The following SELE variants were observed in gnomAD, a reference collection of about 807,000 sequenced individuals.
The protein encoded by SELE is E-selectin.
SELE carries 52 observed loss-of-function variants against 75.8 expected under a neutral mutation model. That is an observed-to-expected ratio of 0.69 (90% CI 0.55 to 0.86). The LOEUF is 0.86. SELE is among the 40% of genes least tolerant of loss of function. The probability of loss-of-function intolerance (pLI) is 0.00; values close to 1 mark genes in which losing one functional copy is unlikely to be tolerated. For missense variants in SELE, 754 were observed against 732.7 expected, an observed-to-expected ratio of 1.03 and a Z score of -0.34; for synonymous variants, 285 against 258.7, an observed-to-expected ratio of 1.10 and a Z score of -0.98.
At position 169,732,807 on chromosome 1, in the gene SELE, C is replaced by T. The variant is rs1413729150; in HGVS notation, c.229G>A (p.Val77Ile). 4.3e-6 allele frequency: 7 copies of T among 1,614,142 alleles called. No individual in the cohort carries two copies. The highest frequency in any genetic ancestry group is 5.9e-6 in the Non-Finnish European group (7 of 1,180,020). ...CCTACCCAGACCCACACATTGTTGA[C>T]TTTTCTGATTCCAATCCAGTAATAA... ...PSYYWIGIRKVNNVWVWVGTQ... is the reference protein window; with the variant it reads ...PSYYWIGIRKINNVWVWVGTQ... Residue 77 changes from valine (V) to isoleucine (I), a missense_variant, in exon 3 of 14, where the codon GTC (valine) becomes ATC (isoleucine). By Grantham distance (29) the Val-to-Ile change is conservative. Transcript: ENST00000333360.
At chr1:169,726,918 T>G (rs1648788473) in intron 10 of SELE, 112 bp from the exon 11 acceptor site, 2 of 715,690 alleles carry the variant, frequency 2.8e-6, no homozygotes, top group Admixed American at 5.3e-5. Flanking sequence ...GCAGAAGAGC[T>G]ATCTAGTTTA....
intron 7 of SELE, 31 bp from the exon 8 acceptor site, chr1:169,728,277 T>C: frequency 1.9e-6 from 3 of 1,608,524 alleles, no homozygotes; most frequent in South Asian, 1.1e-5. Flanking sequence ...TCAGAAAATA[T>C]TGCAGTGGAA....
Position 169,724,362 on chromosome 1 carries a change from C to G in SELE, c.*163G>C, listed in dbSNP as rs1648695257. Reference sequence around the variant, plus strand: ...TTGAAGGCCGTCCTTGCCTGCTGGACTTTGATCTATTGAAGTGGTGATGGG... The same window carrying G: ...TTGAAGGCCGTCCTTGCCTGCTGGAGTTTGATCTATTGAAGTGGTGATGGG... On this transcript the variant is annotated 3_prime_UTR_variant, in exon 14 of 14. Coordinates refer to ENST00000333360, the MANE Select transcript of SELE (RefSeq NM_000450.2). 6.6e-6 allele frequency: 1 copy of G among 152,172 alleles called. No individual in the cohort carries two copies. The highest frequency in any genetic ancestry group is 1.5e-5 in the Non-Finnish European group (1 of 68,042). 9.4% of individuals were successfully genotyped at this position (152,172 alleles called of 1,614,324 possible).
intron 2 of SELE, 116 bp downstream of exon 2, chr1:169,733,460 G>T: frequency 9.7e-7 from 1 of 1,035,890 alleles, no homozygotes; most frequent in Non-Finnish European, 1.5e-6. Context: ...GCAGGTAGAG[G>T]TCAAGGATGC....
chr1:169,724,252 T>G lies in SELE; in HGVS notation c.*273A>C, dbSNP rs529499900. On this transcript the variant is annotated 3_prime_UTR_variant, in exon 14 of 14. Transcript: ENST00000333360. ...TTCAGAGTCTTGGTCTCTTCACCTT[T>G]GCTTGGAAGAAAATATCCTTTCCCT... The G allele has an allele frequency of 6.6e-6, 1 of 152,360 alleles. No homozygotes were observed. The highest frequency in any genetic ancestry group is 6.5e-5 in the Admixed American group (1 of 15,304). The allele number at this position is 152,360 out of a possible 1,614,324, so 9.4% of individuals were successfully genotyped here. A position where few individuals can be genotyped will look rare whatever the true frequency, so the allele number is the denominator to read the frequency against.
rs1004050307 is a variant in SELE, at chr1:169,724,358, T to C, written c.*167A>G. 6.6e-6 allele frequency: 1 copy of C among 152,216 alleles called. No individual in the cohort carries two copies. Among genetic ancestry groups the C allele is most frequent in the African/African-American group, 2.4e-5 (1 of 41,450 alleles). 9.4% of individuals were successfully genotyped at this position (152,216 alleles called of 1,614,324 possible). On this transcript the variant is annotated 3_prime_UTR_variant, in exon 14 of 14. Coordinates refer to ENST00000333360, the MANE Select transcript of SELE (RefSeq NM_000450.2). ...TCAGTTGAAGGCCGTCCTTGCCTGCTGGACTTTGATCTATTGAAGTGGTGA... is the reference window on the plus strand; with the variant it reads ...TCAGTTGAAGGCCGTCCTTGCCTGCCGGACTTTGATCTATTGAAGTGGTGA...
intron 2 of SELE, 38 bp downstream of exon 2, chr1:169,733,538 C>T (rs751448572): frequency 4.4e-6 from 7 of 1,594,530 alleles, no homozygotes; most frequent in South Asian, 2.2e-5. Context: ...ATCTATAGTG[C>T]GAGAATGAGA....
Position 169,723,804 on chromosome 1 carries a change from T to C in SELE, c.*721A>G, listed in dbSNP as rs186641384. 1 of 152,352 alleles carries C rather than the reference T, an allele frequency of 6.6e-6. No individual in the cohort carries two copies. Among genetic ancestry groups the C allele is most frequent in the Admixed American group, 6.5e-5 (1 of 15,302 alleles). 9.4% of individuals were successfully genotyped at this position (152,352 alleles called of 1,614,324 possible). ...ATAGTTGACAGCATTTACAAGTTTT[T>C]TAAGTCCCTACCACACTTGTATTGA... is the stretch of plus-strand genomic sequence containing the variant. On this transcript the variant is annotated 3_prime_UTR_variant, in exon 14 of 14. Coordinates refer to ENST00000333360, the MANE Select transcript of SELE (RefSeq NM_000450.2).
rs1343364047 is a variant in SELE at position 169,730,501 on chromosome 1, G to T, written c.646C>A (p.Pro216Thr). The part of the protein sequence containing the change: ...CSISCDRGYL[P>T]SSMETMQCMS... Reference sequence around the variant, plus strand: ...CACTGCATGGTCTCCATGCTGCTTGGCAGGTAACCCCTATCACAGCTGATA... The same window carrying T: ...CACTGCATGGTCTCCATGCTGCTTGTCAGGTAACCCCTATCACAGCTGATA... Residue 216 changes from proline (P) to threonine (T), a missense_variant, in exon 5 of 14, where the codon CCA becomes ACA. By Grantham distance (38) the Pro-to-Thr change is conservative. Coordinates refer to ENST00000333360, the MANE Select transcript of SELE (RefSeq NM_000450.2). 6 of 1,614,004 alleles carry T rather than the reference G, an allele frequency of 3.7e-6. No homozygotes were observed. The South Asian group carries it at 5.5e-5, about 15-fold the overall frequency.
In SELE at chr1:169,727,445, T is replaced by C; in HGVS notation, c.1549A>G (p.Lys517Glu). ...GTCCATCCTTCAGGACAGGCGAACT[T>C]GCACACAGTGCCAAACACGGGCTCC... Reference protein sequence around the residue: ...SGEPVFGTVCKFACPEGWTLN... With the variant: ...SGEPVFGTVCEFACPEGWTLN... Residue 517 changes from lysine to glutamate, a missense_variant, in exon 10 of 14, where the codon AAG becomes GAG. Lys to Glu is a moderately conservative substitution (Grantham distance 56). Transcript: ENST00000333360. 6.2e-7 allele frequency: 1 copy of C among 1,614,188 alleles called. No individual in the cohort carries two copies. Among genetic ancestry groups the C allele is most frequent in the East Asian group, 2.2e-5 (1 of 44,864 alleles).
At position 169,732,641 on chromosome 1, in the gene SELE, T is replaced by G. The variant is rs749525335; in HGVS notation, c.395A>C (p.Lys132Thr). ...TGTGTAGCATAGGGCAAGCTTCTTC[T>G]TGCTGCACCTCTCATCATTCCACAT... ...VGMWNDERCS[K>T]KKLALCYTAA... Residue 132 changes from lysine (K) to threonine (T), a missense_variant, in exon 3 of 14, where the codon AAG becomes ACG. Lys to Thr is a moderately conservative substitution (Grantham distance 78). Coordinates refer to ENST00000333360, the MANE Select transcript of SELE (RefSeq NM_000450.2). The G allele has an allele frequency of 2.5e-6, 4 of 1,606,842 alleles. No homozygotes were observed. Among genetic ancestry groups the G allele is most frequent in the African/African-American group, 1.3e-5 (1 of 74,482 alleles).
At chr1:169,727,198 T>C in intron 10 of SELE, 151 bp downstream of exon 10, 1 of 763,934 alleles carries the variant, frequency 1.3e-6, no homozygotes, top group South Asian at 2.1e-5. Context: ...ACTTCTGTTT[T>C]TTCTCTATCC....
At chr1:169,733,539 G>T in intron 2 of SELE, 37 bp downstream of exon 2, 1 of 1,595,470 alleles carries the variant, frequency 6.3e-7, no homozygotes, top group South Asian at 1.1e-5. Flanking sequence ...TCTATAGTGC[G>T]AGAATGAGAA....
chr1:169,726,052 A>T, intron 11 of SELE, 124 bp from the exon 12 acceptor site: 1 of 1,095,742 alleles, frequency 9.1e-7, no homozygotes, highest in East Asian at 2.5e-5. Context: ...GGGCCTCTGT[A>T]ATAATCAGAG....
At chr1:169,730,133 A>C (rs754483092) in intron 5 of SELE, among the ~76,000 whole-genome samples, 3 of 152,138 alleles carry the variant, frequency 2.0e-5, no homozygotes, top group Non-Finnish European at 2.9e-5. Context: ...TGGAAAAGTT[A>C]AACAGGGAAA....
chr1:169,725,656 G>C (rs887875445), intron 13 of SELE, 73 bp downstream of exon 13: 14 of 1,282,802 alleles, frequency 1.1e-5, no homozygotes, highest in Non-Finnish European at 1.3e-5. Flanking sequence ...GGCAAGTTTG[G>C]AGGGTTCAAG....
In SELE at chr1:169,725,693, C is replaced by A. The variant is rs759856690; in HGVS notation, c.*15+36G>T. Reference sequence around the variant, plus strand: ...AGAAACAGAGCATGTAGAGAAGATACCTCTCTCATAACCATTTGTGATTTA... The same window carrying A: ...AGAAACAGAGCATGTAGAGAAGATAACTCTCTCATAACCATTTGTGATTTA... On this transcript the variant is annotated intron_variant, in intron 13 of 13. Transcript: ENST00000333360. 5 of 1,551,834 alleles carry A rather than the reference C, an allele frequency of 3.2e-6. No homozygotes were observed. The South Asian group carries it at 4.5e-5, about 14-fold the overall frequency.
rs1269047891 is a variant in SELE at position 169,732,778 on chromosome 1, G to T, written c.258C>A (p.Thr86=). 2 of 1,614,020 alleles carry T rather than the reference G, an allele frequency of 1.2e-6. No homozygotes were observed. Among genetic ancestry groups the T allele is most frequent in the African/African-American group, 2.7e-5 (2 of 75,002 alleles). Residue 86 remains threonine (T), a synonymous_variant, in exon 3 of 14, where the codon ACC becomes ACA. Transcript: ENST00000333360. ...TGGCTTCTTCTGTCAGAGGTTTCTG[G>T]GTTCCTACCCAGACCCACACATTGT... The part of the protein sequence containing the change: ...KVNNVWVWVG[T]QKPLTEEAKN...
chr1:169,726,781 C>A lies in SELE; in HGVS notation c.1671G>T (p.Leu557Phe). 1 of 1,613,374 alleles carries A rather than the reference C, an allele frequency of 6.2e-7. No homozygotes were observed. Among genetic ancestry groups the A allele is most frequent in the Non-Finnish European group, 8.5e-7 (1 of 1,179,660 alleles). Residue 557 changes from leucine to phenylalanine, a missense_variant, in exon 11 of 14, where the codon TTG becomes TTT. Leu to Phe is a conservative substitution (Grantham distance 22). Coordinates refer to ENST00000333360, the MANE Select transcript of SELE (RefSeq NM_000450.2). The part of the protein sequence containing the change: ...CEAPTESNIP[L>F]VAGLSAAGLS... ...GTCCAGCAGCAGAAAGTCCAGCTAC[C>A]AAGGGAATGTTGGACTCAGTGGGAG...
Sources: allele counts gnomAD v4.1 joint callset (sites outside exome capture counted in the v4.1 genomes callset), GRCh38; gene constraint gnomAD v4.1.1; transcripts MANE v1.5; gene names NCBI Gene and HGNC (gene_info 2026-07-23, HGNC 2026-07-21).